TARS3: variants seen among roughly 807,000 people sequenced by gnomAD.
The protein encoded by TARS3 is threonyl-tRNA synthetase 3.
A neutral mutation model predicts 103.5 loss-of-function variants in TARS3; 94 were observed. The observed-to-expected ratio is 0.91, with a 90% CI of 0.77 to 1.08. The LOEUF (loss-of-function observed/expected upper bound fraction) is 1.08. Among genes scored for constraint, TARS3 ranks in the 50% least tolerant of loss-of-function variants. The pLI is 0.00. For missense variants in TARS3, 952 were observed against 995.2 expected (o/e 0.96, Z 0.58); for synonymous variants, 416 against 355.4 (o/e 1.17, Z -1.92).
intron 12 of TARS3, among the ~76,000 whole-genome samples, chr15:101,681,734 T>C (rs910862401): frequency 1.3e-5 from 2 of 152,184 alleles, no homozygotes; most frequent in Non-Finnish European, 2.9e-5. Flanking sequence ...AATCGTATCA[T>C]GAGGGTTCCA....
intron 7 of TARS3, among the ~76,000 whole-genome samples, chr15:101,704,380 T>C (rs1182406592): frequency 1.3e-5 from 2 of 152,038 alleles, no homozygotes; most frequent in Non-Finnish European, 1.5e-5. Flanking sequence ...CAGGGCCGGG[T>C]GTGGTGGCTC....
At chr15:101,680,211 A>G (rs777346251) in intron 12 of TARS3, among the ~76,000 whole-genome samples, 21 of 152,348 alleles carry the variant, frequency 1.4e-4, no homozygotes, top group Non-Finnish European at 1.3e-4. Flanking sequence ...TGAGAGTTAA[A>G]ATATAAGCTT....
At chr15:101,698,754 C>T (rs1278850359) in intron 10 of TARS3, among the ~76,000 whole-genome samples, 1 of 152,198 alleles carries the variant, frequency 6.6e-6, no homozygotes. Context: ...CCCGAGGAGC[C>T]TCATCTGCAG....
intron 5 of TARS3, among the ~76,000 whole-genome samples, chr15:101,710,385 T>C (rs1438036311): frequency 6.6e-6 from 1 of 152,190 alleles, no homozygotes; most frequent in Non-Finnish European, 1.5e-5. Flanking sequence ...GATGGGGTCA[T>C]GGGAACTCCC....
chr15:101,710,958 G>C (rs1217227507), intron 5 of TARS3, among the ~76,000 whole-genome samples: 1 of 152,128 alleles, frequency 6.6e-6, no homozygotes, highest in South Asian at 2.1e-4. Context: ...AGGTACCCTA[G>C]GAGCTATGAG....
At chr15:101,709,758 A>G (rs1271981533) in intron 5 of TARS3, among the ~76,000 whole-genome samples, 2 of 152,252 alleles carry the variant, frequency 1.3e-5, no homozygotes, top group Non-Finnish European at 2.9e-5. Flanking sequence ...CAGAGCACAC[A>G]GCAGGCAGCA....
In TARS3 at chr15:101,724,150, T is replaced by A; in HGVS notation, c.238A>T (p.Ser80Cys). 2 of 1,466,622 alleles carry A rather than the reference T, an allele frequency of 1.4e-6. No homozygotes were observed. The highest frequency in any genetic ancestry group is 9.0e-7 in the Non-Finnish European group (1 of 1,110,320). 90.9% of individuals were successfully genotyped at this position (1,466,622 alleles called of 1,614,324 possible). ...SLRLCLAEER[S>C]RQATLESAEL... ...GCGCTCTCCAGCGTGGCCTGGCGGC[T>A]CCGCTCCTCGGCGAGGCACAGCCGC... Residue 80 changes from serine (S) to cysteine (C), a missense_variant, in exon 1 of 19, where the codon AGC (serine) becomes TGC (cysteine). Physicochemically the swap from Ser to Cys is moderately radical, Grantham distance 112. Transcript: ENST00000335968.
chr15:101,680,467 A>G (rs1898215586), intron 12 of TARS3, among the ~76,000 whole-genome samples: 1 of 152,128 alleles, frequency 6.6e-6, no homozygotes. Context: ...ACTCACTACC[A>G]TGTTGTTTCT....
chr15:101,722,728 A>C (rs900160737), intron 2 of TARS3, among the ~76,000 whole-genome samples: 2 of 150,498 alleles, frequency 1.3e-5, no homozygotes, highest in Non-Finnish European at 3.0e-5. Context: ...CTGAGGCAGG[A>C]GAATCGCTTG....
chr15:101,675,762 T>C (rs1423619237), intron 12 of TARS3, 25 bp from the exon 13 acceptor site: 6 of 1,594,908 alleles, frequency 3.8e-6, no homozygotes. Context: ...AATGAAACAT[T>C]CAAATAGAAC....
intron 10 of TARS3, chr15:101,695,649 T>C (rs1258500176): frequency 1.3e-5 from 2 of 152,238 alleles, no homozygotes; most frequent in African/African-American, 2.4e-5. Context: ...ACGTCTGTAA[T>C]TCCAACACTT....
intron 4 of TARS3, 39 bp from the exon 5 acceptor site, chr15:101,712,040 G>T: frequency 1.3e-6 from 2 of 1,576,008 alleles, no homozygotes; most frequent in Non-Finnish European, 1.7e-6. Flanking sequence ...GCTACCAAAA[G>T]TATGTCATGG....
rs572014419 is a variant in TARS3 at position 101,692,058 on chromosome 15, G to C, written c.1321-5996C>G. 3.3e-5 allele frequency among the ~76,000 whole-genome samples: 5 copies of C among 152,192 alleles called. No homozygotes were observed. In the South Asian group the frequency reaches 8.3e-4, roughly 25 times the overall value. On this transcript the variant is annotated intron_variant, in intron 10 of 18. Transcript: ENST00000335968. Reference sequence around the variant, plus strand: ...CTCTTCTTTTCTATGTATCTTGTTGGTTCTGTTTCTGTGGAGAATCCTGAC... The same window carrying C: ...CTCTTCTTTTCTATGTATCTTGTTGCTTCTGTTTCTGTGGAGAATCCTGAC...
At chr15:101,709,664 G>A (rs1041167380) in intron 5 of TARS3, among the ~76,000 whole-genome samples, 2 of 152,192 alleles carry the variant, frequency 1.3e-5, no homozygotes, top group South Asian at 2.1e-4. Context: ...ATGGCTGCTT[G>A]TGCATTTGCT....
intron 12 of TARS3, among the ~76,000 whole-genome samples, chr15:101,681,152 C>T (rs1261810580): frequency 6.6e-6 from 1 of 152,202 alleles, no homozygotes; most frequent in East Asian, 1.9e-4. Flanking sequence ...ATTTATCTAT[C>T]TAGACCAGCA....
chr15:101,664,734 T>C (rs542810083), intron 15 of TARS3, among the ~76,000 whole-genome samples: 3 of 152,190 alleles, frequency 2.0e-5, no homozygotes, highest in Non-Finnish European at 4.4e-5. Flanking sequence ...TTACTTAGCA[T>C]ATGAATCATT....
In TARS3 at chr15:101,703,757, A is replaced by G. The variant is rs1242618052; in HGVS notation, c.1074+102T>C. ...GAATGAAATATTTTAAAATATCATGATGTTCAGACTACAAAAGATATGATT... is the reference window on the plus strand; with the variant it reads ...GAATGAAATATTTTAAAATATCATGGTGTTCAGACTACAAAAGATATGATT... On this transcript the variant is annotated intron_variant, in intron 8 of 18. Coordinates refer to ENST00000335968, the MANE Select transcript of TARS3 (RefSeq NM_152334.3). The G allele has an allele frequency of 7.2e-6, 5 of 695,380 alleles. No individual in the cohort carries two copies. The Admixed American group carries it at 8.7e-5, about 12-fold the overall frequency. The allele number at this position is 695,380 out of a possible 1,614,324, so 43.1% of individuals were successfully genotyped here.
intron 9 of TARS3, among the ~76,000 whole-genome samples, chr15:101,701,795 A>G (rs941252817): frequency 6.6e-6 from 1 of 151,186 alleles, no homozygotes; most frequent in Non-Finnish European, 1.5e-5. Flanking sequence ...TTTTTTTTTG[A>G]GACTGAGTCT....
At chr15:101,703,778 T>C in intron 8 of TARS3, 81 bp downstream of exon 8, 1 of 822,034 alleles carries the variant, frequency 1.2e-6, no homozygotes, top group Non-Finnish European at 2.0e-6. Context: ...ACAAAAGATA[T>C]GATTGAATAA....
Sources: allele counts gnomAD v4.1 joint callset (sites outside exome capture counted in the v4.1 genomes callset), GRCh38; gene constraint gnomAD v4.1.1; transcripts MANE v1.5; gene names NCBI Gene and HGNC (gene_info 2026-07-23, HGNC 2026-07-21).